The following PLXDC2 variants were observed in gnomAD, a reference collection of about 807,000 sequenced individuals.
PLXDC2 encodes the protein plexin domain containing 2.
A neutral mutation model predicts 68.9 loss-of-function variants in PLXDC2; 40 were observed. The observed-to-expected ratio is 0.58, with a 90% confidence interval of 0.45 to 0.76. The LOEUF is 0.76. PLXDC2 is among the 30% of genes least tolerant of loss of function. PLXDC2 has a pLI of 0.00. For synonymous variants in PLXDC2, 243 were observed against 234.2 expected (o/e 1.04, Z -0.34); for missense variants, 644 against 661.9 (o/e 0.97, Z 0.30).
chr10:20,271,668 GA>G (rs1007213621), intron 13 of PLXDC2, among the ~76,000 whole-genome samples: 7 of 152,084 alleles, frequency 4.6e-5, no homozygotes, highest in African/African-American at 1.7e-4. Context: ...ATAAAGGAGA[GA>G]ACAGACAGTA....
At chr10:20,271,220 C>G (rs2681935) in intron 13 of PLXDC2, among the ~76,000 whole-genome samples, 129,670 of 151,688 alleles carry the variant, frequency 0.85, 55,861 homozygotes, top group Middle Eastern at 0.94. Context: ...AAACGGAAAG[C>G]GTCAAGATTG....
At chr10:20,151,960 A>G (rs1015145977) in intron 6 of PLXDC2, among the ~76,000 whole-genome samples, 2 of 152,130 alleles carry the variant, frequency 1.3e-5, no homozygotes, top group Non-Finnish European at 2.9e-5. Context: ...CTTGTTTTAA[A>G]ATTGTAAATT....
chr10:20,067,680 T>TC (rs1836235496), intron 3 of PLXDC2, among the ~76,000 whole-genome samples: 1 of 129,654 alleles, frequency 7.7e-6, no homozygotes, highest in African/African-American at 3.0e-5. Context: ...ACAGAGAAAC[T>TC]CCGACTCAAA....
intron 1 of PLXDC2, among the ~76,000 whole-genome samples, chr10:19,852,267 G>A (rs1194405323): frequency 2.0e-5 from 3 of 151,562 alleles, no homozygotes; most frequent in Non-Finnish European, 4.4e-5. Context: ...AGCCAGGCAT[G>A]CTGGCTCATG....
Position 20,009,294 on chromosome 10 carries a change from C to T in PLXDC2, c.324+7308C>T, listed in dbSNP as rs180957725. Reference sequence around the variant, plus strand: ...AGAATGTGATAGTGTAGATTTTTGACATTTTTCAAAAGAAAGTATCCTTTG... The same window carrying T: ...AGAATGTGATAGTGTAGATTTTTGATATTTTTCAAAAGAAAGTATCCTTTG... On this transcript the variant is annotated intron_variant, in intron 2 of 13. Coordinates refer to ENST00000377252, the MANE Select transcript of PLXDC2 (RefSeq NM_032812.9). Among the ~76,000 whole-genome samples, 30 of 151,528 alleles carry T rather than the reference C, an allele frequency of 2.0e-4. 1 individual carries two copies. The East Asian group carries it at 5.9e-3, about 30-fold the overall frequency.
In PLXDC2 at chr10:20,251,476, A is replaced by G. The variant is rs181138648; in HGVS notation, c.1473+5971A>G. On this transcript the variant is annotated intron_variant, in intron 13 of 13. Transcript: ENST00000377252. ...AAGGGTCAATATATCTAGGTTCTAC[A>G]TTAAATTTAATGATTGTTCAACATT... 8.5e-4 allele frequency among the ~76,000 whole-genome samples: 129 copies of G among 152,296 alleles called. 1 individual carries two copies. The highest frequency in any genetic ancestry group is 3.1e-3 in the African/African-American group (127 of 41,584).
intron 2 of PLXDC2, among the ~76,000 whole-genome samples, chr10:20,044,219 TTC>T (rs1491375254): frequency 4.6e-3 from 67 of 14,684 alleles, no homozygotes; most frequent in Admixed American, 0.013. Context: ...CTGTCTTTCT[TTC>T]TTTCTTTCTT....
intron 8 of PLXDC2, 110 bp downstream of exon 8, chr10:20,177,204 T>C (rs1030211369): frequency 1.5e-6 from 2 of 1,321,404 alleles, no homozygotes; most frequent in Non-Finnish European, 2.2e-6. Context: ...TAATTGTGTT[T>C]GGCATGCATG....
chr10:20,064,333 G>A (rs1168356407), intron 3 of PLXDC2, among the ~76,000 whole-genome samples: 2 of 150,874 alleles, frequency 1.3e-5, no homozygotes, highest in Non-Finnish European at 2.9e-5. Context: ...CCATTCTCCT[G>A]CCTCAGCCTC....
chr10:20,209,326 A>G (rs1223694258), intron 9 of PLXDC2, among the ~76,000 whole-genome samples: 1 of 144,108 alleles, frequency 6.9e-6, no homozygotes, highest in Non-Finnish European at 1.6e-5. Flanking sequence ...TTCCTTGCTG[A>G]GGAAAACAAT....
intron 1 of PLXDC2, among the ~76,000 whole-genome samples, chr10:19,877,811 G>A (rs1418174357): frequency 6.6e-6 from 1 of 152,234 alleles, no homozygotes; most frequent in Non-Finnish European, 1.5e-5. Flanking sequence ...AATTATTTCA[G>A]TGCTTGAAGT....
intron 1 of PLXDC2, among the ~76,000 whole-genome samples, chr10:19,861,369 C>T (rs1837317654): frequency 6.6e-6 from 1 of 152,016 alleles, no homozygotes; most frequent in African/African-American, 2.4e-5. Flanking sequence ...AACCTCTTGG[C>T]CAGACACTTC....
At chr10:20,003,695 G>C (rs999857989) in intron 2 of PLXDC2, among the ~76,000 whole-genome samples, 2 of 152,174 alleles carry the variant, frequency 1.3e-5, no homozygotes, top group African/African-American at 4.8e-5. Context: ...GCCTCCTAAA[G>C]TGCTTGTATT....
intron 1 of PLXDC2, among the ~76,000 whole-genome samples, chr10:19,884,750 C>T (rs1177725395): frequency 6.6e-6 from 1 of 152,106 alleles, no homozygotes; most frequent in Non-Finnish European, 1.5e-5. Flanking sequence ...TCAAGTCTAT[C>T]GTTGTTGGAC....
At chr10:20,018,666 T>C (rs967574208) in intron 2 of PLXDC2, among the ~76,000 whole-genome samples, 1 of 152,250 alleles carries the variant, frequency 6.6e-6, no homozygotes, top group Non-Finnish European at 1.5e-5. Context: ...ATGTAAATAT[T>C]GTCATTTAAA....
chr10:19,935,448 A>T (rs1344105648), intron 1 of PLXDC2, among the ~76,000 whole-genome samples: 1 of 152,216 alleles, frequency 6.6e-6, no homozygotes, highest in African/African-American at 2.4e-5. Context: ...CTTTCATCTT[A>T]GAGAGAAATA....
chr10:19,957,805 C>T (rs1589556098), intron 1 of PLXDC2, among the ~76,000 whole-genome samples: 1 of 152,078 alleles, frequency 6.6e-6, no homozygotes, highest in East Asian at 1.9e-4. Context: ...AGAAGTTGTA[C>T]CAATTTACAT....
At chr10:20,175,953 C>T (rs1834521099) in intron 7 of PLXDC2, among the ~76,000 whole-genome samples, 1 of 152,146 alleles carries the variant, frequency 6.6e-6, no homozygotes, top group East Asian at 1.9e-4. Flanking sequence ...TATTTTTCCA[C>T]TTACATTGAC....
In PLXDC2 at chr10:19,928,770, T is replaced by G. The variant is rs1280552389; in HGVS notation, c.113-73005T>G. Among the ~76,000 whole-genome samples, 18 of 149,760 alleles carry G rather than the reference T, an allele frequency of 1.2e-4. No homozygotes were observed. The South Asian group carries it at 3.7e-3, about 30-fold the overall frequency. ...AGGACTTTTTTTTTTTTTTTTTTTTTTTGAAACAGAGACTTGCTCTGTTGC... is the reference window on the plus strand; with the variant it reads ...AGGACTTTTTTTTTTTTTTTTTTTTGTTGAAACAGAGACTTGCTCTGTTGC... On this transcript the variant is annotated intron_variant, in intron 1 of 13. Coordinates refer to ENST00000377252, the MANE Select transcript of PLXDC2 (RefSeq NM_032812.9).
Sources: gnomAD v4.1 joint callset for allele counts (sites outside exome capture counted in the v4.1 genomes callset) on GRCh38, gnomAD v4.1.1 for gene constraint, MANE v1.5 for transcripts, NCBI Gene and HGNC (gene_info 2026-07-23, HGNC 2026-07-21) for gene names.